The following ZNF385D variants were observed in gnomAD, a reference collection of about 807,000 sequenced individuals.
ZNF385D encodes the protein zinc finger protein 659.
A neutral mutation model predicts 35.8 loss-of-function variants in ZNF385D; 15 were observed. The ratio of observed to expected loss-of-function variants is 0.42; its 90% CI spans 0.28 to 0.64. ZNF385D has a LOEUF of 0.64. Among genes scored for constraint, ZNF385D ranks in the 30% least tolerant of loss-of-function variants. ZNF385D has a pLI of 0.23. For missense variants in ZNF385D, 474 were observed against 494.6 expected (o/e 0.96, Z 0.39); for synonymous variants, 212 against 186.8 (o/e 1.13, Z -1.10).
intron 1 of ZNF385D, among the ~76,000 whole-genome samples, chr3:21,672,200 A>C (rs2066596589): frequency 6.6e-6 from 1 of 152,126 alleles, no homozygotes; most frequent in African/African-American, 2.4e-5. Flanking sequence ...ATTTTGACAT[A>C]ATATTTGAAT....
At chr3:22,037,556 G>T (rs998291604) in intron 3 of ZNF385D, among the ~76,000 whole-genome samples, 6 of 151,866 alleles carry the variant, frequency 4.0e-5, no homozygotes, top group Non-Finnish European at 8.8e-5. Flanking sequence ...TTTTGATGGG[G>T]TTGTTTTTTT....
chr3:21,960,203 T>TACACACACACACACACACAC (rs61528907), intron 3 of ZNF385D, among the ~76,000 whole-genome samples: 7,394 of 149,362 alleles, frequency 0.05, 272 homozygotes, highest in African/African-American at 0.087. Context: ...TAAACAGCAA[T>TACACACACACACACACACAC]ACACACACAC....
Position 21,414,278 on chromosome 3 carries a change from A to G in ZNF385D, c.*6936T>C, listed in dbSNP as rs1700532340. Reference sequence around the variant, plus strand: ...CTGACATAAGATTTTTGCTGATAAAATAAATGAAAGAAACTATGACTAAAA... The same window carrying G: ...CTGACATAAGATTTTTGCTGATAAAGTAAATGAAAGAAACTATGACTAAAA... On this transcript the variant is annotated 3_prime_UTR_variant, in exon 8 of 8. Coordinates refer to ENST00000281523, the MANE Select transcript of ZNF385D (RefSeq NM_024697.3). The G allele has an allele frequency of 6.6e-6, 1 of 152,132 alleles. No individual in the cohort carries two copies. Among genetic ancestry groups the G allele is most frequent in the South Asian group, 2.1e-4 (1 of 4,834 alleles). The allele number at this position is 152,132 out of a possible 1,614,324, so 9.4% of individuals were successfully genotyped here.
At chr3:21,436,788 C>T (rs1478968853) in intron 5 of ZNF385D, 182 bp downstream of exon 5, 11 of 623,460 alleles carry the variant, frequency 1.8e-5, no homozygotes, top group South Asian at 4.2e-5. Context: ...CTGGAAACCA[C>T]CCCTTGCCCC....
At chr3:21,891,804 G>C in intron 3 of ZNF385D, among the ~76,000 whole-genome samples, 1 of 152,104 alleles carries the variant, frequency 6.6e-6, no homozygotes, top group East Asian at 1.9e-4. Context: ...AAGTTCTGAA[G>C]ACACAGTAAG....
intron 3 of ZNF385D, among the ~76,000 whole-genome samples, chr3:22,045,887 G>T (rs916788616): frequency 2.0e-5 from 3 of 152,018 alleles, no homozygotes; most frequent in African/African-American, 7.3e-5. Flanking sequence ...ATCAGAGGTA[G>T]AATTATAATG....
intron 3 of ZNF385D, among the ~76,000 whole-genome samples, chr3:21,924,752 C>G (rs1166066830): frequency 6.6e-6 from 1 of 151,992 alleles, no homozygotes; most frequent in Non-Finnish European, 1.5e-5. Flanking sequence ...TTGCTCTCAG[C>G]CAAGGTATTC....
At chr3:21,908,279 G>T (rs906013650) in intron 3 of ZNF385D, among the ~76,000 whole-genome samples, 3 of 151,884 alleles carry the variant, frequency 2.0e-5, no homozygotes, top group Middle Eastern at 3.2e-3. Context: ...GTAAGGAAAA[G>T]AAAAATATAA....
At chr3:21,697,224 C>G (rs1235818275) in intron 1 of ZNF385D, among the ~76,000 whole-genome samples, 1 of 152,020 alleles carries the variant, frequency 6.6e-6, no homozygotes, top group Non-Finnish European at 1.5e-5. Flanking sequence ...GATTTGAGTG[C>G]TTACTTTGGG....
At chr3:21,802,887 G>T (rs962273045) in intron 3 of ZNF385D, among the ~76,000 whole-genome samples, 2 of 152,184 alleles carry the variant, frequency 1.3e-5, no homozygotes, top group Non-Finnish European at 2.9e-5. Context: ...GGTTTTGCGT[G>T]CAAGTGATTG....
chr3:22,362,282 T>C (rs1217417682), intron 2 of ZNF385D, among the ~76,000 whole-genome samples: 1 of 150,900 alleles, frequency 6.6e-6, no homozygotes, highest in Non-Finnish European at 1.5e-5. Context: ...TTAACTTGCA[T>C]TGATTTTTTT....
chr3:21,436,920 G>A (rs912689952), intron 5 of ZNF385D, 50 bp downstream of exon 5: 2 of 1,540,434 alleles, frequency 1.3e-6, no homozygotes, highest in African/African-American at 2.7e-5. Context: ...CTATTCAGAG[G>A]AAGATAATTG....
chr3:22,141,378 T>G (rs1704495382), intron 3 of ZNF385D, among the ~76,000 whole-genome samples: 1 of 152,180 alleles, frequency 6.6e-6, no homozygotes, highest in Non-Finnish European at 1.5e-5. Flanking sequence ...CATAACTTCA[T>G]TTGAAATGTA....
chr3:21,740,303 G>C (rs1338851410), intron 1 of ZNF385D, among the ~76,000 whole-genome samples: 2 of 152,138 alleles, frequency 1.3e-5, no homozygotes, highest in Non-Finnish European at 2.9e-5. Flanking sequence ...GTGACCAGTG[G>C]GTGGACCAGG....
At chr3:22,331,341 T>C (rs890785302) in intron 2 of ZNF385D, among the ~76,000 whole-genome samples, 2 of 152,154 alleles carry the variant, frequency 1.3e-5, no homozygotes, top group African/African-American at 2.4e-5. Flanking sequence ...CTTAAAAACA[T>C]CTTTATAGTT....
intron 2 of ZNF385D, among the ~76,000 whole-genome samples, chr3:22,339,311 A>T (rs1167553202): frequency 6.6e-6 from 1 of 152,236 alleles, no homozygotes; most frequent in African/African-American, 2.4e-5. Flanking sequence ...ATTCATGTTT[A>T]TATTAACATA....
At position 21,996,629 on chromosome 3, in the gene ZNF385D, T is replaced by C. The variant is rs146899418; in HGVS notation, c.325+172188A>G. On this transcript the variant is annotated intron_variant, in intron 3 of 5. Coordinates refer to the ZNF385D transcript ENST00000494108. ...TATTTCTCACATATGTTTCAGCTTA[T>C]GTTAGCATAGTTGTAGTTGTTCAGA... Among the ~76,000 whole-genome samples, 391 of 152,364 alleles carry C rather than the reference T, an allele frequency of 2.6e-3. 2 individuals carry two copies. Among genetic ancestry groups the C allele is most frequent in the African/African-American group, 9.0e-3 (373 of 41,588 alleles).
chr3:22,312,009 T>G (rs1458511045), intron 2 of ZNF385D, among the ~76,000 whole-genome samples: 1 of 152,126 alleles, frequency 6.6e-6, no homozygotes, highest in Non-Finnish European at 1.5e-5. Context: ...ATCCTACAAT[T>G]ATTATTTCCT....
chr3:21,565,203 GTTAA>G (rs769356920), intron 2 of ZNF385D, among the ~76,000 whole-genome samples: 4 of 151,968 alleles, frequency 2.6e-5, no homozygotes, highest in Non-Finnish European at 4.4e-5. Flanking sequence ...ATATGGAGAT[GTTAA>G]TTAAGTCATT....
Sources: allele counts gnomAD v4.1 joint callset (sites outside exome capture counted in the v4.1 genomes callset), GRCh38; gene constraint gnomAD v4.1.1; transcripts MANE v1.5; gene names NCBI Gene and HGNC (gene_info 2026-07-23, HGNC 2026-07-21).